The following NDUFS4 variants were observed in gnomAD, a reference collection of about 807,000 sequenced individuals.
NDUFS4 encodes the protein NADH dehydrogenase [ubiquinone] iron-sulfur protein 4, mitochondrial.
NDUFS4 carries 28 observed loss-of-function variants against 24.3 expected under a neutral mutation model. The observed-to-expected ratio is 1.15, with a 90% CI of 0.85 to 1.58. The LOEUF is 1.58. Among genes scored for constraint, NDUFS4 ranks in the 40% most tolerant of loss-of-function variants. The pLI is 0.00. For synonymous variants in NDUFS4, 93 were observed against 69.7 expected (o/e 1.34, Z -1.67); for missense variants, 223 against 207.9 (o/e 1.07, Z -0.45).
chr5:53,597,021 G>A (rs12514182), intron 1 of NDUFS4, among the ~76,000 whole-genome samples: 25,001 of 152,094 alleles, frequency 0.16, 2,287 homozygotes, highest in Non-Finnish European at 0.21. Flanking sequence ...CTTCTGTTTT[G>A]CTTACAAATG....
chr5:53,647,630 C>T (rs1751906684), intron 3 of NDUFS4, among the ~76,000 whole-genome samples: 1 of 152,130 alleles, frequency 6.6e-6, no homozygotes, highest in Non-Finnish European at 1.5e-5. Context: ...AGGGCTGATT[C>T]TAGTTAAATT....
rs188502570 is a variant in NDUFS4, at chr5:53,623,332, T to G, written c.177+19802T>G. 3.3e-5 allele frequency among the ~76,000 whole-genome samples: 5 copies of G among 152,326 alleles called. No homozygotes were observed. In the East Asian group the frequency reaches 9.6e-4, roughly 29 times the overall value. ...ATCCTAATGTGTGTGAAGTAGTATCTCAGTGTGGTTTTGATTTGCATGTTC... is the reference window on the plus strand; with the variant it reads ...ATCCTAATGTGTGTGAAGTAGTATCGCAGTGTGGTTTTGATTTGCATGTTC... On this transcript the variant is annotated intron_variant, in intron 2 of 4. Coordinates refer to ENST00000296684, the MANE Select transcript of NDUFS4 (RefSeq NM_002495.4).
intron 2 of NDUFS4, among the ~76,000 whole-genome samples, chr5:53,616,374 AAAC>A (rs1490743911): frequency 6.6e-6 from 1 of 152,158 alleles, no homozygotes; most frequent in Non-Finnish European, 1.5e-5. Flanking sequence ...ATTATGGAAA[AAAC>A]AAAGCTAGGT....
chr5:53,621,327 C>T (rs1751026951), intron 2 of NDUFS4, among the ~76,000 whole-genome samples: 1 of 151,806 alleles, frequency 6.6e-6, no homozygotes, highest in South Asian at 2.1e-4. Context: ...TAAAGTTTGA[C>T]CTTTGCGATT....
chr5:53,632,492 T>A (rs573573813), intron 2 of NDUFS4, among the ~76,000 whole-genome samples: 2 of 152,290 alleles, frequency 1.3e-5, no homozygotes, highest in African/African-American at 4.8e-5. Flanking sequence ...CTGTGCAGAT[T>A]TCTGAAACTC....
At chr5:53,640,578 A>C (rs942477468) in intron 2 of NDUFS4, among the ~76,000 whole-genome samples, 1 of 151,922 alleles carries the variant, frequency 6.6e-6, no homozygotes, top group Non-Finnish European at 1.5e-5. Context: ...AGAGAGAGAG[A>C]ATGTGTCAGG....
chr5:53,613,705 T>C (rs1422627154), intron 2 of NDUFS4, among the ~76,000 whole-genome samples: 2 of 151,110 alleles, frequency 1.3e-5, no homozygotes, highest in African/African-American at 4.9e-5. Flanking sequence ...ATTGCAGCAA[T>C]ACTGTTGCTT....
At chr5:53,573,348 A>C (rs1388642453) in intron 1 of NDUFS4, among the ~76,000 whole-genome samples, 1 of 152,152 alleles carries the variant, frequency 6.6e-6, no homozygotes, top group Non-Finnish European at 1.5e-5. Flanking sequence ...TATAACTATG[A>C]AATCCTGCTA....
chr5:53,626,507 AG>A (rs1215985905), intron 2 of NDUFS4, among the ~76,000 whole-genome samples: 1 of 152,210 alleles, frequency 6.6e-6, no homozygotes. Context: ...ACAATGTAAA[AG>A]CGTTCATATT....
intron 4 of NDUFS4, among the ~76,000 whole-genome samples, chr5:53,660,708 A>G (rs1015012637): frequency 2.6e-5 from 4 of 152,032 alleles, no homozygotes; most frequent in Non-Finnish European, 5.9e-5. Context: ...GGTGTGAGAT[A>G]GTATCTCATT....
intron 4 of NDUFS4, among the ~76,000 whole-genome samples, chr5:53,677,291 T>C (rs573316822): frequency 3.3e-5 from 5 of 152,268 alleles, no homozygotes; most frequent in African/African-American, 1.2e-4. Flanking sequence ...ATTTGGGGTT[T>C]GAGAGGTGGC....
chr5:53,670,792 A>T (rs1365045932), intron 4 of NDUFS4, among the ~76,000 whole-genome samples: 1 of 151,548 alleles, frequency 6.6e-6, no homozygotes, highest in Admixed American at 6.6e-5. Flanking sequence ...GATATGTAGA[A>T]ACTCTTATGT....
chr5:53,613,668 A>C (rs1201631111), intron 2 of NDUFS4, among the ~76,000 whole-genome samples: 1 of 151,758 alleles, frequency 6.6e-6, no homozygotes, highest in African/African-American at 2.4e-5. Flanking sequence ...TATTGAAAAA[A>C]AAAAAAATGG....
chr5:53,586,946 C>T (rs533447808), intron 1 of NDUFS4, among the ~76,000 whole-genome samples: 1 of 152,098 alleles, frequency 6.6e-6, no homozygotes, highest in East Asian at 1.9e-4. Context: ...GCTTCAGCCT[C>T]CCGAGTAGCT....
chr5:53,561,156 A>G (rs1359961588), intron 1 of NDUFS4, among the ~76,000 whole-genome samples: 2 of 152,154 alleles, frequency 1.3e-5, no homozygotes, highest in Non-Finnish European at 2.9e-5. Flanking sequence ...CAGTCCTTAC[A>G]GAAGGGTTAA....
chr5:53,583,128 C>T lies in NDUFS4; in HGVS notation c.99-20324C>T, dbSNP rs1048822804. 3.3e-5 allele frequency among the ~76,000 whole-genome samples: 5 copies of T among 152,248 alleles called. No individual in the cohort carries two copies. The East Asian group carries it at 7.7e-4, about 24-fold the overall frequency. ...TCCTGACCTCATGATCCGCCCGCCT[C>T]GGCCTCCCAAAGTGCTGGGATTGCA... is the stretch of plus-strand genomic sequence containing the variant. On this transcript the variant is annotated intron_variant, in intron 1 of 4. Coordinates refer to ENST00000296684, the MANE Select transcript of NDUFS4 (RefSeq NM_002495.4).
chr5:53,647,605 C>G (rs16881602), intron 3 of NDUFS4, among the ~76,000 whole-genome samples: 2 of 152,036 alleles, frequency 1.3e-5, no homozygotes, highest in Non-Finnish European at 2.9e-5. Context: ...GAATAGGGCC[C>G]AAATGTTAAG....
chr5:53,571,544 C>T lies in NDUFS4; in HGVS notation c.98+10784C>T, dbSNP rs1037461361. Among the ~76,000 whole-genome samples the T allele has an allele frequency of 2.6e-5, 4 of 152,158 alleles. 1 individual carries two copies. Among genetic ancestry groups the T allele is most frequent in the Admixed American group, 2.0e-4 (3 of 15,274 alleles). ...TTTTTATTGTTTTGGGTATATACCT[C>T]GGAGTAGAATTGCAGGATAATGTAA... On this transcript the variant is annotated intron_variant, in intron 1 of 4. Coordinates refer to ENST00000296684, the MANE Select transcript of NDUFS4 (RefSeq NM_002495.4).
In NDUFS4 at chr5:53,603,537, A is replaced by T; in HGVS notation, c.177+7A>T. 6.2e-7 allele frequency: 1 copy of T among 1,606,480 alleles called. No homozygotes were observed. On this transcript the variant is annotated splice_region_variant and intron_variant, in intron 2 of 4. Coordinates refer to ENST00000296684, the MANE Select transcript of NDUFS4 (RefSeq NM_002495.4). Reference sequence around the variant, plus strand: ...AACAGTTGATGAAAAATTGGTAAGGATTTTCTACTACACACTGCTATGGTT... The same window carrying T: ...AACAGTTGATGAAAAATTGGTAAGGTTTTTCTACTACACACTGCTATGGTT...
Sources: allele counts gnomAD v4.1 joint callset (sites outside exome capture counted in the v4.1 genomes callset), GRCh38; gene constraint gnomAD v4.1.1; transcripts MANE v1.5; gene names NCBI Gene and HGNC (gene_info 2026-07-23, HGNC 2026-07-21).